The following INPP4B variants were observed in gnomAD, a reference collection of about 807,000 sequenced individuals.
The protein encoded by INPP4B is inositol polyphosphate 4-phosphatase type II.
In INPP4B, 55 loss-of-function variants were observed where a neutral mutation model predicts 122.5. The observed-to-expected ratio is 0.45, with a 90% confidence interval of 0.36 to 0.56. INPP4B has a LOEUF of 0.56. Ranked by LOEUF, INPP4B falls within the 20% of genes least tolerant of loss-of-function variation. The pLI is 0.00. For synonymous variants in INPP4B, 403 were observed against 388.7 expected (o/e 1.04, Z -0.43); for missense variants, 1,000 against 1,097.7 (o/e 0.91, Z 1.26).
intron 7 of INPP4B, among the ~76,000 whole-genome samples, chr4:142,336,083 T>C (rs1776471618): frequency 1.3e-5 from 2 of 152,214 alleles, no homozygotes; most frequent in African/African-American, 4.8e-5. Context: ...TTGGACTATC[T>C]GCTTTTGGGC....
intron 3 of INPP4B, among the ~76,000 whole-genome samples, chr4:142,433,792 G>A (rs1471493016): frequency 6.6e-6 from 1 of 152,148 alleles, no homozygotes; most frequent in East Asian, 1.9e-4. Context: ...AGGTACAGGA[G>A]ATTGGTGTTA....
At chr4:142,225,488 T>A (rs1216759471) in intron 12 of INPP4B, among the ~76,000 whole-genome samples, 1 of 150,536 alleles carries the variant, frequency 6.6e-6, no homozygotes, top group Non-Finnish European at 1.5e-5. Context: ...ATTAGTTCTG[T>A]CCCTCTAGAG....
At chr4:142,208,696 C>G (rs998339909) in intron 13 of INPP4B, among the ~76,000 whole-genome samples, 167 bp from the exon 14 acceptor site, 6 of 151,818 alleles carry the variant, frequency 4.0e-5, no homozygotes, top group Non-Finnish European at 8.8e-5. Flanking sequence ...TAAAAATTGT[C>G]TCAATTATTC....
chr4:142,405,917 C>G (rs1327770875), intron 5 of INPP4B, among the ~76,000 whole-genome samples: 2 of 151,954 alleles, frequency 1.3e-5, no homozygotes, highest in African/African-American at 2.4e-5. Context: ...CAAGCTAAGC[C>G]TGGAGGAGAT....
In INPP4B at chr4:142,038,500, A is replaced by G. The variant is rs146556123; in HGVS notation, c.2643-9586T>C. ...GAAAGAGCAATCTTGGGCAACATTA[A>G]GCAAAATGCCCACTCATGGGAGTTG... On this transcript the variant is annotated intron_variant, in intron 25 of 25. Transcript: ENST00000262992. Among the ~76,000 whole-genome samples the G allele has an allele frequency of 1.6e-3, 247 of 152,310 alleles. 2 individuals carry two copies. Among genetic ancestry groups the G allele is most frequent in the African/African-American group, 5.6e-3 (231 of 41,576 alleles).
rs117298495 is a variant in INPP4B, at chr4:142,705,410, A to G, written c.-191+20429T>C. Among the ~76,000 whole-genome samples, 6 of 151,496 alleles carry G rather than the reference A, an allele frequency of 4.0e-5. No homozygotes were observed. The East Asian group carries it at 1.2e-3, about 29-fold the overall frequency. ...CTTAATTGATCAGTAAAAATTCTGC[A>G]TATCATCCTTCTCTTCCTACCAAGT... On this transcript the variant is annotated intron_variant, in intron 2 of 25. Coordinates refer to ENST00000262992, the MANE Select transcript of INPP4B (RefSeq NM_001101669.3).
At chr4:142,467,159 A>C (rs1313852332) in intron 2 of INPP4B, among the ~76,000 whole-genome samples, 1 of 152,260 alleles carries the variant, frequency 6.6e-6, no homozygotes, top group African/African-American at 2.4e-5. Flanking sequence ...ACTGCCTAGT[A>C]GAGCTGTGGA....
At chr4:142,682,961 T>C (rs76445881) in intron 2 of INPP4B, among the ~76,000 whole-genome samples, 5,458 of 152,032 alleles carry the variant, frequency 0.036, 149 homozygotes, top group Non-Finnish European at 0.054. Flanking sequence ...CATATACACA[T>C]ATATATGTGC....
chr4:142,672,775 G>C (rs1172502158), intron 2 of INPP4B, among the ~76,000 whole-genome samples: 1 of 151,992 alleles, frequency 6.6e-6, no homozygotes, highest in Non-Finnish European at 1.5e-5. Context: ...TATGAATCTT[G>C]CTTTTAGTAT....
At chr4:142,320,379 A>G (rs1769533934) in intron 7 of INPP4B, among the ~76,000 whole-genome samples, 1 of 152,222 alleles carries the variant, frequency 6.6e-6, no homozygotes, top group Admixed American at 6.5e-5. Context: ...ATGGAGTGGT[A>G]ATTTTGGGAA....
intron 1 of INPP4B, among the ~76,000 whole-genome samples, chr4:142,751,378 T>G (rs1235795971): frequency 6.6e-6 from 1 of 151,952 alleles, no homozygotes; most frequent in Admixed American, 6.6e-5. Context: ...TTAGCTGATT[T>G]TTGTAATACA....
chr4:142,769,905 C>T (rs1385289677), intron 1 of INPP4B, among the ~76,000 whole-genome samples: 1 of 151,990 alleles, frequency 6.6e-6, no homozygotes, highest in African/African-American at 2.4e-5. Flanking sequence ...CAGAGTGAGA[C>T]CCTGTCTCAA....
intron 2 of INPP4B, among the ~76,000 whole-genome samples, chr4:142,630,059 G>A (rs758071894): frequency 6.6e-6 from 1 of 152,052 alleles, no homozygotes; most frequent in East Asian, 1.9e-4. Context: ...AAGGAAAAGA[G>A]CTTCTTTTCT....
chr4:142,200,524 CA>C lies in INPP4B; in HGVS notation c.1073-7330del, dbSNP rs1394185980. 7.9e-5 allele frequency among the ~76,000 whole-genome samples: 12 copies of C among 152,074 alleles called. No homozygotes were observed. The East Asian group carries it at 1.4e-3, about 17-fold the overall frequency. On this transcript the variant is annotated intron_variant, in intron 14 of 25. Coordinates refer to ENST00000262992, the MANE Select transcript of INPP4B (RefSeq NM_001101669.3). ...TATAGTAATTATGTATACATACTTC[CA>C]TATTTATTTCCTTATCTGCCTCTAT...
intron 2 of INPP4B, among the ~76,000 whole-genome samples, chr4:142,639,227 C>CT (rs1033490282): frequency 2.0e-5 from 3 of 152,002 alleles, no homozygotes; most frequent in Non-Finnish European, 2.9e-5. Context: ...CTGTAAGTTG[C>CT]TTTTTTTGTA....
At chr4:142,162,012 C>A (rs1234749929) in intron 16 of INPP4B, among the ~76,000 whole-genome samples, 1 of 151,782 alleles carries the variant, frequency 6.6e-6, no homozygotes, top group East Asian at 1.9e-4. Flanking sequence ...CTTCCCTAAC[C>A]TCAACTTTCC....
chr4:142,768,889 C>T (rs558037660), intron 1 of INPP4B, among the ~76,000 whole-genome samples: 1 of 152,032 alleles, frequency 6.6e-6, no homozygotes. Flanking sequence ...CAACAGGGAA[C>T]AAGGAAAGGA....
At chr4:142,578,388 A>C (rs1284122293) in intron 2 of INPP4B, among the ~76,000 whole-genome samples, 4 of 151,966 alleles carry the variant, frequency 2.6e-5, no homozygotes, top group African/African-American at 9.7e-5. Flanking sequence ...GGGCTGCCTA[A>C]CACAATATCA....
intron 11 of INPP4B, among the ~76,000 whole-genome samples, chr4:142,255,238 C>T (rs187355511): frequency 0.043 from 6,598 of 151,872 alleles, 476 homozygotes; most frequent in African/African-American, 0.15. Flanking sequence ...CGGTACCAGC[C>T]GCTGCAAAAT....
Sources: gnomAD v4.1 joint callset for allele counts (sites outside exome capture counted in the v4.1 genomes callset) on GRCh38, gnomAD v4.1.1 for gene constraint, MANE v1.5 for transcripts, NCBI Gene and HGNC (gene_info 2026-07-23, HGNC 2026-07-21) for gene names.